The following CD109 variants were observed in gnomAD, a reference collection of about 807,000 sequenced individuals.
CD109 encodes the protein CD109 molecule.
CD109 carries 149 observed loss-of-function variants against 165.8 expected under a neutral mutation model. That is an observed-to-expected ratio of 0.90 (90% CI 0.79 to 1.03). The LOEUF (loss-of-function observed/expected upper bound fraction) is 1.03, where lower values mean the gene tolerates loss of function less well. Ranked by LOEUF, CD109 falls within the 50% of genes least tolerant of loss-of-function variation. The pLI is 0.00. For synonymous variants in CD109, 585 were observed against 592.1 expected, an observed-to-expected ratio of 0.99 and a Z score of 0.18; for missense variants, 1,712 against 1,677.8, an observed-to-expected ratio of 1.02 and a Z score of -0.36.
intron 10 of CD109, 48 bp from the exon 11 acceptor site, chr6:73,765,882 C>A: frequency 7.8e-7 from 1 of 1,289,310 alleles, no homozygotes; most frequent in South Asian, 1.3e-5. Flanking sequence ...TGTATTTAAT[C>A]GTACTTAAAT....
intron 24 of CD109, among the ~76,000 whole-genome samples, chr6:73,805,091 G>A (rs1461482673): frequency 6.6e-6 from 1 of 152,210 alleles, no homozygotes; most frequent in Non-Finnish European, 1.5e-5. Flanking sequence ...AGACAGTGTG[G>A]TGATTCCTCA....
rs773623507 is a variant in CD109 at position 73,810,065 on chromosome 6, C to G, written c.3437C>G (p.Ala1146Gly). The G allele has an allele frequency of 5.6e-6, 9 of 1,609,366 alleles. No individual in the cohort carries two copies. In the South Asian group the frequency reaches 1.0e-4, roughly 18 times the overall value. The change falls in exon 27 of 33, where the codon GCC becomes GGC. Residue 1146 changes from alanine (A) to glycine (G), a missense_variant. Coordinates refer to ENST00000287097, the MANE Select transcript of CD109 (RefSeq NM_133493.5). ...QPRSLDIEVA[A>G]YALLSHFLQF... Reference sequence around the variant, plus strand: ...CGCTCCCTGGATATTGAAGTTGCAGCCTATGCACTGCTCTCACACTTCTTA... The same window carrying G: ...CGCTCCCTGGATATTGAAGTTGCAGGCTATGCACTGCTCTCACACTTCTTA...
chr6:73,713,094 C>T (rs889290554), intron 2 of CD109, among the ~76,000 whole-genome samples: 8 of 152,060 alleles, frequency 5.3e-5, no homozygotes, highest in South Asian at 2.1e-4. Context: ...CTCTCCTCCC[C>T]GCTGCCCCCG....
intron 2 of CD109, among the ~76,000 whole-genome samples, chr6:73,708,767 C>T (rs992825535): frequency 1.4e-4 from 21 of 152,250 alleles, no homozygotes; most frequent in East Asian, 1.3e-3. Flanking sequence ...GAGCATTTTT[C>T]CATGTGTTTT....
chr6:73,799,290 A>T (rs1190146867), intron 23 of CD109, among the ~76,000 whole-genome samples: 1 of 152,210 alleles, frequency 6.6e-6, no homozygotes, highest in Non-Finnish European at 1.5e-5. Context: ...AACATGTAGA[A>T]CATTAACATG....
At chr6:73,708,604 C>T (rs552398452) in intron 2 of CD109, among the ~76,000 whole-genome samples, 22 of 152,236 alleles carry the variant, frequency 1.4e-4, no homozygotes, top group South Asian at 2.1e-4. Context: ...AACTAGTTTA[C>T]AGTCCCACCA....
At chr6:73,781,463 A>G in intron 17 of CD109, 144 bp downstream of exon 17, 1 of 682,528 alleles carries the variant, frequency 1.5e-6, no homozygotes, top group Non-Finnish European at 2.5e-6. Context: ...TTTGGAGTTT[A>G]ATGTACTTAG....
intron 16 of CD109, among the ~76,000 whole-genome samples, chr6:73,781,006 CGTGT>C (rs1401732639): frequency 2.7e-5 from 3 of 112,750 alleles, no homozygotes; most frequent in East Asian, 5.3e-4. Context: ...TATGTGTATG[CGTGT>C]GTGTGTGTGT....
intron 30 of CD109, among the ~76,000 whole-genome samples, chr6:73,815,925 G>A: frequency 6.6e-6 from 1 of 152,122 alleles, no homozygotes; most frequent in East Asian, 1.9e-4. Context: ...TGGCATTGAG[G>A]AGCTGCTGTT....
At chr6:73,736,210 T>C (rs937932697) in intron 4 of CD109, among the ~76,000 whole-genome samples, 173 bp from the exon 5 acceptor site, 3 of 152,216 alleles carry the variant, frequency 2.0e-5, no homozygotes, top group Non-Finnish European at 2.9e-5. Context: ...ATATCTCTAA[T>C]GTGTCTCCTT....
At chr6:73,692,113 CG>C (rs1184967392), upstream of CD109, among the ~76,000 whole-genome samples, 1 of 152,038 alleles carries the variant, frequency 6.6e-6, no homozygotes, top group Admixed American at 6.6e-5. Context: ...AACAGCACCA[CG>C]GGGGAAATCT....
chr6:73,800,861 A>G lies in CD109; in HGVS notation c.2879-2359A>G, dbSNP rs150037958. 5.6e-4 allele frequency among the ~76,000 whole-genome samples: 85 copies of G among 152,292 alleles called. 1 individual carries two copies. The highest frequency in any genetic ancestry group is 2.0e-3 in the African/African-American group (82 of 41,560). Reference sequence around the variant, plus strand: ...TAAACATACATAAAAATTACATAATATTGATATTAGCTATTTATCCATCTT... The same window carrying G: ...TAAACATACATAAAAATTACATAATGTTGATATTAGCTATTTATCCATCTT... On this transcript the variant is annotated intron_variant, in intron 23 of 32. Transcript: ENST00000287097.
rs566535486 is a variant in CD109, at chr6:73,778,893, G to C, written c.1828-1531G>C. Among the ~76,000 whole-genome samples the C allele has an allele frequency of 2.0e-5, 3 of 151,848 alleles. No individual in the cohort carries two copies. The South Asian group carries it at 6.3e-4, about 32-fold the overall frequency. ...AAGTATCAAAATTATTACCTAAAAA[G>C]GTATAATACTTGATTTTTATTGAAG... On this transcript the variant is annotated intron_variant, in intron 15 of 32. Coordinates refer to ENST00000287097, the MANE Select transcript of CD109 (RefSeq NM_133493.5).
chr6:73,771,638 T>G (rs1774038981), intron 15 of CD109, 57 bp downstream of exon 15: 7 of 1,221,118 alleles, frequency 5.7e-6, no homozygotes, highest in Middle Eastern at 2.0e-4. Flanking sequence ...AAGAGGAAAC[T>G]TTATTGTACT....
intron 3 of CD109, among the ~76,000 whole-genome samples, chr6:73,726,631 A>G (rs1326971519): frequency 6.6e-6 from 1 of 152,212 alleles, no homozygotes; most frequent in African/African-American, 2.4e-5. Flanking sequence ...CCAGATTAGA[A>G]TAAGTAATCC....
chr6:73,739,021 G>A (rs554354397), intron 5 of CD109, among the ~76,000 whole-genome samples: 5 of 152,200 alleles, frequency 3.3e-5, no homozygotes, highest in African/African-American at 1.2e-4. Context: ...TGACCTTCTG[G>A]TCTTGCTCAC....
intron 30 of CD109, among the ~76,000 whole-genome samples, chr6:73,816,741 A>G (rs1775950529): frequency 6.6e-6 from 1 of 152,222 alleles, no homozygotes; most frequent in Admixed American, 6.6e-5. Context: ...TCCCCTAAGC[A>G]AGCCTAAAAT....
At chr6:73,696,122 G>A, upstream of CD109, 2 of 1,231,316 alleles carry the variant, frequency 1.6e-6, no homozygotes, top group Non-Finnish European at 2.3e-6. Context: ...GAATTAAGAG[G>A]GAAAAAAAAT....
At chr6:73,804,751 C>A (rs752082743) in intron 24 of CD109, among the ~76,000 whole-genome samples, 5 of 152,232 alleles carry the variant, frequency 3.3e-5, no homozygotes, top group Non-Finnish European at 7.3e-5. Flanking sequence ...AGCTTTGGGG[C>A]TGACTGAAGC....
Sources: gnomAD v4.1 joint callset for allele counts (sites outside exome capture counted in the v4.1 genomes callset) on GRCh38, gnomAD v4.1.1 for gene constraint, MANE v1.5 for transcripts, NCBI Gene and HGNC (gene_info 2026-07-23, HGNC 2026-07-21) for gene names.